SYTL1: variants seen among roughly 807,000 people sequenced by gnomAD.
SYTL1 encodes synaptotagmin-like protein 1.
SYTL1 carries 53 observed loss-of-function variants against 74.6 expected under a neutral mutation model. The observed-to-expected ratio is 0.71, with a 90% CI of 0.57 to 0.89. SYTL1 has a LOEUF of 0.89. Ranked by LOEUF, SYTL1 falls within the 40% of genes least tolerant of loss-of-function variation. The pLI, the probability that SYTL1 is intolerant of heterozygous loss-of-function variation, is 0.00. For synonymous variants in SYTL1, 329 were observed against 324.9 expected (o/e 1.01, Z -0.14); for missense variants, 728 against 768.7 (o/e 0.95, Z 0.63).
Position 27,351,083 on chromosome 1 carries a change from C to T in SYTL1, c.1164+131C>T, listed in dbSNP as rs953044910. ...CCCTCAACCTCTTAACCTCATGGCC[C>T]CAGGCGAAGCCCGGCCGGCCACGGC... On this transcript the variant is annotated intron_variant, in intron 11 of 14. Coordinates refer to ENST00000616558, the MANE Select transcript of SYTL1 (RefSeq NM_001193308.2). The surrounding 1 kb of genome is among the most constrained non-coding windows in gnomAD (Gnocchi z 5.0). 1 of 1,342,446 alleles carries T rather than the reference C, an allele frequency of 7.4e-7. No homozygotes were observed. The highest frequency in any genetic ancestry group is 1.0e-6 in the Non-Finnish European group (1 of 989,170). The allele number at this position is 1,342,446 out of a possible 1,614,324, so 83.2% of individuals were successfully genotyped here.
rs748672623 is a variant in SYTL1, at chr1:27,351,247, G to T, written c.1165-11G>T. 1.0e-5 allele frequency: 16 copies of T among 1,553,480 alleles called. No homozygotes were observed. In the East Asian group the frequency reaches 3.1e-4, roughly 31 times the overall value. The stretch of plus-strand genomic sequence containing the variant: ...TTAGCCCCTGCTCCACGATAAGCCC[G>T]CCTCTCGCAGGTCCCACCCTCTCCC... On this transcript the variant is annotated splice_polypyrimidine_tract_variant and intron_variant, in intron 11 of 14. Coordinates refer to ENST00000616558, the MANE Select transcript of SYTL1 (RefSeq NM_001193308.2). This position sits in a 1 kb window ranked among gnomAD's most constrained non-coding sequence, Gnocchi z 5.0.
chr1:27,347,789 A>C lies in SYTL1; in HGVS notation c.341-19A>C. 1 of 1,608,104 alleles carries C rather than the reference A, an allele frequency of 6.2e-7. No homozygotes were observed. Among genetic ancestry groups the C allele is most frequent in the South Asian group, 1.1e-5 (1 of 90,312 alleles). On this transcript the variant is annotated intron_variant, in intron 3 of 14. Transcript: ENST00000616558. The surrounding 1 kb of genome is among the most constrained non-coding windows in gnomAD (Gnocchi z 4.9). ...CTTCCTGAGCATGGGGGCTCACAGAACTTCTCACCTGCGCCCAGGAGACCA... is the reference window on the plus strand; with the variant it reads ...CTTCCTGAGCATGGGGGCTCACAGACCTTCTCACCTGCGCCCAGGAGACCA...
rs1456676444 is a variant in SYTL1, at chr1:27,350,157, GGCGC to G, written c.908+27_908+30del. On this transcript the variant is annotated intron_variant, in intron 9 of 14. Transcript: ENST00000616558. This position sits in a 1 kb window ranked among gnomAD's most constrained non-coding sequence, Gnocchi z 6.3. ...CGTGAGTGCCCCGCCGGCCAAGCGG[GGCGC>G]GGCTGTCACAGCCCAGCCCACCATT... is the stretch of plus-strand genomic sequence containing the variant. 7.1e-7 allele frequency: 1 copy of G among 1,416,752 alleles called. No homozygotes were observed. Among genetic ancestry groups the G allele is most frequent in the East Asian group, 2.8e-5 (1 of 35,500 alleles). The allele number at this position is 1,416,752 out of a possible 1,614,324, so 87.8% of individuals were successfully genotyped here.
chr1:27,345,030 G>A lies in SYTL1; in HGVS notation c.-38-267G>A. Reference sequence around the variant, plus strand: ...TGGACCCGCGTGTGCACATGTGTCTGTGTGTTCCATCGCTGCAGTCCTGTG... The same window carrying A: ...TGGACCCGCGTGTGCACATGTGTCTATGTGTTCCATCGCTGCAGTCCTGTG... On this transcript the variant is annotated intron_variant, in intron 1 of 14. Transcript: ENST00000616558. This position sits in a 1 kb window ranked among gnomAD's most constrained non-coding sequence, Gnocchi z 6.0. 1 of 231,790 alleles carries A rather than the reference G, an allele frequency of 4.3e-6. No homozygotes were observed. Among genetic ancestry groups the A allele is most frequent in the Non-Finnish European group, 8.4e-6 (1 of 119,418 alleles). 14.4% of individuals were successfully genotyped at this position (231,790 alleles called of 1,614,324 possible).
chr1:27,353,790 C>G lies in SYTL1; in HGVS notation c.1627C>G (p.Gln543Glu). The G allele has an allele frequency of 6.2e-7, 1 of 1,614,060 alleles. No individual in the cohort carries two copies. The highest frequency in any genetic ancestry group is 8.5e-7 in the Non-Finnish European group (1 of 1,179,932). The part of the protein sequence containing the change: ...EKQLWQALLE[Q>E]PCEWVDGLLP... ...GCAGCTGTGGCAAGCCCTCCTGGAG[C>G]AGCCGTGCGAATGGGTGGATGGCCT... Residue 543 changes from glutamine to glutamate, a missense_variant, in exon 15 of 15, where the codon CAG (glutamine) becomes GAG (glutamate). Gln to Glu is a conservative substitution (Grantham distance 29). Coordinates refer to ENST00000616558, the MANE Select transcript of SYTL1 (RefSeq NM_001193308.2).
In SYTL1 at chr1:27,347,806, A is replaced by C. The variant is rs372530480; in HGVS notation, c.341-2A>C. The C allele has an allele frequency of 1.2e-6, 2 of 1,612,978 alleles. No individual in the cohort carries two copies. The highest frequency in any genetic ancestry group is 1.7e-6 in the Non-Finnish European group (2 of 1,179,494). On this transcript the variant is annotated splice_acceptor_variant, in intron 3 of 14. Coordinates refer to ENST00000616558, the MANE Select transcript of SYTL1 (RefSeq NM_001193308.2). LOFTEE classifies it high-confidence loss of function. The surrounding 1 kb of genome is among the most constrained non-coding windows in gnomAD (Gnocchi z 4.9). ...CTCACAGAACTTCTCACCTGCGCCCAGGAGACCAGGCTCCAGGCCACGACA... is the reference window on the plus strand; with the variant it reads ...CTCACAGAACTTCTCACCTGCGCCCCGGAGACCAGGCTCCAGGCCACGACA...
rs2014958997 is a variant in SYTL1 at position 27,345,477 on chromosome 1, T to G, written c.143T>G (p.Val48Gly). ...GAGGAGCAGGAGGCCATTGCTGGCG[T>G]CCTCCAACGAGATGCCCGCCTGCGC... ...TEEEQEAIAG[V>G]LQRDARLRQL... Residue 48 changes from valine (V) to glycine (G), a missense_variant, in exon 2 of 15, where the codon GTC (valine) becomes GGC (glycine). Coordinates refer to ENST00000616558, the MANE Select transcript of SYTL1 (RefSeq NM_001193308.2). The surrounding 1 kb of genome is among the most constrained non-coding windows in gnomAD (Gnocchi z 6.0). 6.4e-7 allele frequency: 1 copy of G among 1,560,248 alleles called. No individual in the cohort carries two copies. Among genetic ancestry groups the G allele is most frequent in the Non-Finnish European group, 8.7e-7 (1 of 1,151,484 alleles).
chr1:27,346,853 G>A (rs2015023421), intron 2 of SYTL1, among the ~76,000 whole-genome samples: 1 of 151,930 alleles, frequency 6.6e-6, no homozygotes, highest in African/African-American at 2.4e-5. Flanking sequence ...TTCAAGGCTG[G>A]GCACAGTGAC....
At chr1:27,346,712 G>T (rs966199763) in intron 2 of SYTL1, among the ~76,000 whole-genome samples, 2 of 152,004 alleles carry the variant, frequency 1.3e-5, no homozygotes, top group Non-Finnish European at 2.9e-5. Flanking sequence ...AATGAGCCAT[G>T]ATCATGCCAC....
chr1:27,350,578 G>A lies in SYTL1; in HGVS notation c.1005+93G>A. Reference sequence around the variant, plus strand: ...GGCAAGGGCAGCCAGTAACGTCATTGCCCGGAGGATCGGCGGAGGGGGCCC... The same window carrying A: ...GGCAAGGGCAGCCAGTAACGTCATTACCCGGAGGATCGGCGGAGGGGGCCC... On this transcript the variant is annotated intron_variant, in intron 10 of 14. Transcript: ENST00000616558. This position sits in a 1 kb window ranked among gnomAD's most constrained non-coding sequence, Gnocchi z 6.3. 4 of 1,201,166 alleles carry A rather than the reference G, an allele frequency of 3.3e-6. No individual in the cohort carries two copies. The highest frequency in any genetic ancestry group is 4.8e-6 in the Non-Finnish European group (4 of 837,230). The allele number at this position is 1,201,166 out of a possible 1,614,324, so 74.4% of individuals were successfully genotyped here. A position where few individuals can be genotyped will look rare whatever the true frequency, so the allele number is the denominator to read the frequency against.
Position 27,348,071 on chromosome 1 carries a change from G to A in SYTL1, c.459+59G>A. 6.4e-7 allele frequency: 1 copy of A among 1,554,608 alleles called. No homozygotes were observed. The highest frequency in any genetic ancestry group is 8.9e-7 in the Non-Finnish European group (1 of 1,126,466). The stretch of plus-strand genomic sequence containing the variant: ...CCCTGGAGGGGAGGTGGAATGTGCA[G>A]GGGGCAGGGGGGAAAGAGCCCCAGC... On this transcript the variant is annotated intron_variant, in intron 5 of 14. Transcript: ENST00000616558. The surrounding 1 kb of genome is among the most constrained non-coding windows in gnomAD (Gnocchi z 4.1).
At position 27,353,454 on chromosome 1, in the gene SYTL1, C is replaced by A. The variant is rs759990653; in HGVS notation, c.1515C>A (p.Arg505=). ...GGGACCATGGGGCCCTGGCCAACCG[C>A]CAGCTGGGGGGCACACGCCTCAGCC... ...SLWDHGALAN[R]QLGGTRLSLG... Residue 505 remains arginine (R), a synonymous_variant, in exon 14 of 15, where the codon CGC becomes CGA. Coordinates refer to ENST00000616558, the MANE Select transcript of SYTL1 (RefSeq NM_001193308.2). The A allele has an allele frequency of 1.2e-6, 2 of 1,608,444 alleles. No individual in the cohort carries two copies. Among genetic ancestry groups the A allele is most frequent in the Non-Finnish European group, 8.5e-7 (1 of 1,178,134 alleles).
At chr1:27,349,549 G>C (rs1327485801) in intron 7 of SYTL1, 51 bp downstream of exon 7, 2 of 1,471,118 alleles carry the variant, frequency 1.4e-6, no homozygotes, top group African/African-American at 2.8e-5. Context: ...CGGACTCCGG[G>C]CGGGGAGCGC....
Position 27,348,970 on chromosome 1 carries a change from C to T in SYTL1, c.460-110C>T, listed in dbSNP as rs894829677. 5.9e-5 allele frequency: 52 copies of T among 882,404 alleles called. No homozygotes were observed. In the Admixed American group the frequency reaches 1.2e-3, roughly 20 times the overall value. 54.7% of individuals were successfully genotyped at this position (882,404 alleles called of 1,614,324 possible). ...CCCTGCCCGGAGGGCTGCCCTAAAC[C>T]TGAAACTGGGGTAGCTGGCTGGAGC... On this transcript the variant is annotated intron_variant, in intron 5 of 14. Transcript: ENST00000616558. The surrounding 1 kb of genome is among the most constrained non-coding windows in gnomAD (Gnocchi z 4.1).
At chr1:27,344,871 A>T (rs1279221067) in intron 1 of SYTL1, 4 of 143,542 alleles carry the variant, frequency 2.8e-5, no homozygotes, top group African/African-American at 1.0e-4. Flanking sequence ...AAAAAAAAGA[A>T]TGTGTGTGCA....
chr1:27,342,461 C>A lies in SYTL1; in HGVS notation c.-39+311C>A. 2.3e-6 allele frequency: 1 copy of A among 430,040 alleles called. No individual in the cohort carries two copies. The highest frequency in any genetic ancestry group is 2.1e-5 in the African/African-American group (1 of 46,546). The allele number at this position is 430,040 out of a possible 1,614,324, so 26.6% of individuals were successfully genotyped here. Reference sequence around the variant, plus strand: ...GCTGATGCCCATGGCCCAGCTCAGGCAGGCCTGAAGGACAGAAATAGGCTC... The same window carrying A: ...GCTGATGCCCATGGCCCAGCTCAGGAAGGCCTGAAGGACAGAAATAGGCTC... On this transcript the variant is annotated intron_variant, in intron 1 of 14. Transcript: ENST00000616558. This position sits in a 1 kb window ranked among gnomAD's most constrained non-coding sequence, Gnocchi z 4.7.
intron 2 of SYTL1, among the ~76,000 whole-genome samples, chr1:27,346,705 G>A (rs558130462): frequency 2.0e-5 from 3 of 152,058 alleles, no homozygotes; most frequent in South Asian, 2.1e-4. Flanking sequence ...AGGCTGCAAT[G>A]AGCCATGATC....
intron 5 of SYTL1, 65 bp from the exon 6 acceptor site, chr1:27,349,015 A>G (rs892409599): frequency 3.0e-6 from 4 of 1,317,732 alleles, no homozygotes; most frequent in African/African-American, 2.9e-5. Context: ...TCTGACCCCA[A>G]TATGACCTTT....
rs1431985070 is a variant in SYTL1 at position 27,351,749 on chromosome 1, C to G, written c.1343+194C>G. ...ACACCTTTGAGGAGCTGCATTTCAG[C>G]GTGACTGGCGCCTATAGGACTTGTT... On this transcript the variant is annotated intron_variant, in intron 13 of 14. Coordinates refer to ENST00000616558, the MANE Select transcript of SYTL1 (RefSeq NM_001193308.2). This position sits in a 1 kb window ranked among gnomAD's most constrained non-coding sequence, Gnocchi z 5.0. The G allele has an allele frequency of 9.8e-6, 5 of 509,556 alleles. No individual in the cohort carries two copies. The highest frequency in any genetic ancestry group is 5.0e-4 in the Middle Eastern group (1 of 2,016). The allele number at this position is 509,556 out of a possible 1,614,324, so 31.6% of individuals were successfully genotyped here.
Sources: gnomAD v4.1 joint callset for allele counts (sites outside exome capture counted in the v4.1 genomes callset) on GRCh38, gnomAD v4.1.1 for gene constraint, Gnocchi (gnomAD v3.1) non-coding constraint, MANE v1.5 for transcripts, NCBI Gene and HGNC (gene_info 2026-07-23, HGNC 2026-07-21) for gene names.